Variants in PLXNA4 observed in about 807,000 individuals in gnomAD.
The protein encoded by PLXNA4 is plexin A4, also known as plexin-A4.
In PLXNA4, 44 loss-of-function variants were observed where a neutral mutation model predicts 191.8. That is an observed-to-expected ratio of 0.23 (90% CI 0.18 to 0.29). The LOEUF (loss-of-function observed/expected upper bound fraction) is 0.29. Among genes scored for constraint, PLXNA4 ranks in the 10% least tolerant of loss-of-function variants. The probability of loss-of-function intolerance (pLI) is 1.00; values close to 1 mark genes in which losing one functional copy is unlikely to be tolerated. For missense variants in PLXNA4, 1,800 were observed against 2,488.8 expected (o/e 0.72, Z 5.89); for synonymous variants, 1,082 against 1,009.5 (o/e 1.07, Z -1.36).
intron 31 of PLXNA4, among the ~76,000 whole-genome samples, chr7:132,132,467 GC>G (rs1473049322): frequency 0.026 from 973 of 37,054 alleles, 52 homozygotes; most frequent in African/African-American, 0.054. Context: ...GTTCTGTTCT[GC>G]TCTGCTCTGC....
At chr7:132,392,523 C>A (rs927957945) in intron 3 of PLXNA4, among the ~76,000 whole-genome samples, 1 of 152,234 alleles carries the variant, frequency 6.6e-6, no homozygotes, top group Non-Finnish European at 1.5e-5. Context: ...ATACTCCAAG[C>A]TGGCAGGAGG....
chr7:132,286,445 G>A (rs75981133), intron 4 of PLXNA4, among the ~76,000 whole-genome samples: 4,616 of 152,288 alleles, frequency 0.03, 107 homozygotes, highest in East Asian at 0.1. Context: ...AGGAGAAGGC[G>A]CAATAATTGT....
intron 1 of PLXNA4, among the ~76,000 whole-genome samples, chr7:132,569,358 A>T (rs1477006458): frequency 6.6e-6 from 1 of 152,190 alleles, no homozygotes; most frequent in Non-Finnish European, 1.5e-5. Flanking sequence ...GTCATAACAC[A>T]TAGCTTCTTC....
chr7:132,232,741 G>C (rs898047629), intron 5 of PLXNA4, among the ~76,000 whole-genome samples: 4 of 152,194 alleles, frequency 2.6e-5, no homozygotes, highest in Non-Finnish European at 5.9e-5. Flanking sequence ...GAAGGGAGAG[G>C]AATGAAGGAA....
At chr7:132,451,751 C>T (rs570248678) in intron 3 of PLXNA4, among the ~76,000 whole-genome samples, 6 of 152,316 alleles carry the variant, frequency 3.9e-5, no homozygotes, top group Non-Finnish European at 7.3e-5. Context: ...AAGGCAGTGC[C>T]GGCCCCTGGA....
chr7:132,126,741 T>TACC lies in PLXNA4; in HGVS notation c.*3735_*3737dup, dbSNP rs975813827. ...CTCCTCACAAGCAGCCAAGCTCACT[T>TACC]ACCAGGCTGCGGGTGCACAAGGGGT... On this transcript the variant is annotated 3_prime_UTR_variant, in exon 32 of 32. Coordinates refer to ENST00000321063, the MANE Select transcript of PLXNA4 (RefSeq NM_020911.2). The TACC allele has an allele frequency of 2.0e-5, 3 of 152,268 alleles. No homozygotes were observed. Among genetic ancestry groups the TACC allele is most frequent in the Non-Finnish European group, 4.4e-5 (3 of 68,108 alleles). The allele number at this position is 152,268 out of a possible 1,614,324, so 9.4% of individuals were successfully genotyped here.
At chr7:132,253,481 G>T (rs890422198) in intron 4 of PLXNA4, among the ~76,000 whole-genome samples, 1 of 152,072 alleles carries the variant, frequency 6.6e-6, no homozygotes, top group African/African-American at 2.4e-5. Flanking sequence ...CTGACCTCAA[G>T]GGATCTGACT....
chr7:132,236,019 C>G (rs981324117), intron 5 of PLXNA4, among the ~76,000 whole-genome samples: 1 of 152,182 alleles, frequency 6.6e-6, no homozygotes, highest in Non-Finnish European at 1.5e-5. Flanking sequence ...GGGCCAGGGT[C>G]AGGGGCTGCA....
chr7:132,635,575 CCTGGAGGA>C (rs1227243914), intron 2 of PLXNA4, among the ~76,000 whole-genome samples: 2 of 152,114 alleles, frequency 1.3e-5, no homozygotes, highest in African/African-American at 4.8e-5. Flanking sequence ...TAAGAGGTTT[CCTGGAGGA>C]CTGAAGAGGA....
chr7:132,613,856 G>T (rs756284480), intron 2 of PLXNA4, among the ~76,000 whole-genome samples: 9 of 152,150 alleles, frequency 5.9e-5, no homozygotes, highest in South Asian at 2.1e-4. Context: ...GGAAAAAAAA[G>T]TAAAAGAAAA....
chr7:132,427,824 TC>T (rs1293838289), intron 3 of PLXNA4, among the ~76,000 whole-genome samples: 1 of 152,230 alleles, frequency 6.6e-6, no homozygotes, highest in Non-Finnish European at 1.5e-5. Flanking sequence ...ATGTGATCCT[TC>T]CTTTGCAAAT....
chr7:132,207,315 T>G, intron 10 of PLXNA4, among the ~76,000 whole-genome samples: 1 of 152,222 alleles, frequency 6.6e-6, no homozygotes, highest in East Asian at 1.9e-4. Context: ...GAGGCCAGCA[T>G]GAGTCCGCGG....
intron 25 of PLXNA4, among the ~76,000 whole-genome samples, chr7:132,149,220 C>T (rs1195985768): frequency 6.6e-6 from 1 of 152,096 alleles, no homozygotes; most frequent in Non-Finnish European, 1.5e-5. Flanking sequence ...CATGAACATC[C>T]CATTCCCTGC....
At chr7:132,547,169 A>G (rs1005043995) in intron 1 of PLXNA4, among the ~76,000 whole-genome samples, 10 of 152,330 alleles carry the variant, frequency 6.6e-5, no homozygotes, top group East Asian at 5.8e-4. Flanking sequence ...GTGCTCTTCA[A>G]TGATGCTTGC....
intron 20 of PLXNA4, among the ~76,000 whole-genome samples, chr7:132,176,797 TGA>T (rs1266875693): frequency 3.9e-5 from 6 of 151,928 alleles, no homozygotes; most frequent in Non-Finnish European, 5.9e-5. Flanking sequence ...CTTGTCAGTG[TGA>T]GTGTGCATAT....
rs980183869 is a variant in PLXNA4, at chr7:132,446,065, C to T, written c.1371+43227G>A. ...CGATGGAGGAAGGGAAGGCCCAAGG[C>T]GGGGCAAGACTAAGACAGCCAGGTG... is the stretch of plus-strand genomic sequence containing the variant. On this transcript the variant is annotated intron_variant, in intron 3 of 31. Transcript: ENST00000321063. Among the ~76,000 whole-genome samples, 5 of 152,262 alleles carry T rather than the reference C, an allele frequency of 3.3e-5. No homozygotes were observed. In the South Asian group the frequency reaches 6.2e-4, roughly 19 times the overall value.
chr7:132,333,254 ACTGGGG>A (rs1235645096), intron 3 of PLXNA4, among the ~76,000 whole-genome samples: 19 of 152,086 alleles, frequency 1.2e-4, no homozygotes, highest in Non-Finnish European at 2.4e-4. Flanking sequence ...GGTCTCCACA[ACTGGGG>A]CTTGTTGAGG....
At chr7:132,247,747 C>G (rs894556067) in intron 4 of PLXNA4, among the ~76,000 whole-genome samples, 26 of 152,274 alleles carry the variant, frequency 1.7e-4, no homozygotes, top group Admixed American at 8.5e-4. Context: ...TGTGATGGCT[C>G]CAAGGCCCTC....
At chr7:132,443,620 G>A (rs1014995920) in intron 3 of PLXNA4, among the ~76,000 whole-genome samples, 1 of 152,144 alleles carries the variant, frequency 6.6e-6, no homozygotes, top group Non-Finnish European at 1.5e-5. Flanking sequence ...TCGTGACCAT[G>A]TTCCCCTGGA....
Sources: gnomAD v4.1 joint callset for allele counts (sites outside exome capture counted in the v4.1 genomes callset) on GRCh38, gnomAD v4.1.1 for gene constraint, MANE v1.5 for transcripts, NCBI Gene and HGNC (gene_info 2026-07-23, HGNC 2026-07-21) for gene names.